Variants in GSR observed in about 807,000 individuals in gnomAD.
The protein encoded by GSR is glutathione reductase, mitochondrial.
A neutral mutation model predicts 56.5 loss-of-function variants in GSR; 48 were observed. The ratio of observed to expected loss-of-function variants is 0.85; its 90% confidence interval spans 0.67 to 1.08. The LOEUF is 1.08. Ranked by LOEUF, GSR falls within the 50% of genes least tolerant of loss-of-function variation. GSR has a pLI of 0.00. For synonymous variants in GSR, 264 were observed against 270.8 expected, an observed-to-expected ratio of 0.97 and a Z score of 0.25; for missense variants, 694 against 703.3, an observed-to-expected ratio of 0.99 and a Z score of 0.15.
intron 1 of GSR, among the ~76,000 whole-genome samples, chr8:30,715,306 T>C (rs1804295096): frequency 6.6e-6 from 1 of 151,670 alleles, no homozygotes; most frequent in East Asian, 1.9e-4. Flanking sequence ...AAATAAATAA[T>C]AATAATAAAC....
chr8:30,694,369 G>A (rs1335133123), intron 7 of GSR, among the ~76,000 whole-genome samples: 1 of 152,196 alleles, frequency 6.6e-6, no homozygotes, highest in Non-Finnish European at 1.5e-5. Context: ...GAGTGCAGTG[G>A]CACAATCTTT....
chr8:30,721,648 G>A (rs1056254558), intron 1 of GSR, among the ~76,000 whole-genome samples: 10 of 99,872 alleles, frequency 1.0e-4, no homozygotes, highest in Admixed American at 2.5e-4. Context: ...GTGAGACTTC[G>A]TGTCAAGAAG....
Position 30,724,541 on chromosome 8 carries a change from C to G in GSR, c.306+2989G>C, listed in dbSNP as rs963148754. Among the ~76,000 whole-genome samples, 11 of 117,622 alleles carry G rather than the reference C, an allele frequency of 9.4e-5. 1 individual carries two copies. The highest frequency in any genetic ancestry group is 7.5e-4 in the East Asian group (3 of 3,980). 77.2% of individuals were successfully genotyped at this position (117,622 alleles called of 152,430 possible). ...TGTCAAAGAATACTACCCAACCCCCCACCTTTTTTTTTTTTTTTTTTTTTT... is the reference window on the plus strand; with the variant it reads ...TGTCAAAGAATACTACCCAACCCCCGACCTTTTTTTTTTTTTTTTTTTTTT... On this transcript the variant is annotated intron_variant, in intron 1 of 12. Transcript: ENST00000221130.
At chr8:30,718,015 C>T (rs560895284) in intron 1 of GSR, among the ~76,000 whole-genome samples, 1 of 151,918 alleles carries the variant, frequency 6.6e-6, no homozygotes, top group African/African-American at 2.4e-5. Flanking sequence ...GCAGGAGAAT[C>T]GCTTGAACCC....
chr8:30,689,744 G>A (rs907614315), intron 8 of GSR, among the ~76,000 whole-genome samples: 1 of 49,190 alleles, frequency 2.0e-5, no homozygotes, highest in African/African-American at 8.7e-5. Context: ...ACGTGTGTGT[G>A]TGTATATATA....
intron 1 of GSR, among the ~76,000 whole-genome samples, chr8:30,723,607 A>G (rs1804623881): frequency 6.6e-6 from 1 of 152,134 alleles, no homozygotes; most frequent in Non-Finnish European, 1.5e-5. Context: ...CCTGGCCAAC[A>G]TGGTGAAACC....
chr8:30,690,075 T>C (rs1049919037), intron 8 of GSR, among the ~76,000 whole-genome samples: 16 of 143,752 alleles, frequency 1.1e-4, no homozygotes, highest in Admixed American at 5.7e-4. Context: ...AAAATATACA[T>C]ATATAAAATA....
chr8:30,684,255 G>A (rs1803081874), intron 9 of GSR, 56 bp from the exon 10 acceptor site: 2 of 947,356 alleles, frequency 2.1e-6, no homozygotes, highest in African/African-American at 1.6e-5. Context: ...AAAAAAGGTA[G>A]ATCAAACCTC....
chr8:30,726,462 C>T (rs1393885842), intron 1 of GSR, among the ~76,000 whole-genome samples: 5 of 152,074 alleles, frequency 3.3e-5, no homozygotes, highest in Non-Finnish European at 7.4e-5. Flanking sequence ...AACTTGGAAA[C>T]AACATTTATT....
intron 1 of GSR, among the ~76,000 whole-genome samples, chr8:30,712,529 C>T (rs1480770412): frequency 6.6e-6 from 1 of 152,082 alleles, no homozygotes; most frequent in Non-Finnish European, 1.5e-5. Flanking sequence ...AAAAAAGTAG[C>T]TGGGTGTGGT....
intron 8 of GSR, among the ~76,000 whole-genome samples, chr8:30,692,652 C>T (rs1002397673): frequency 3.3e-5 from 5 of 151,810 alleles, no homozygotes; most frequent in African/African-American, 1.2e-4. Flanking sequence ...CAGGTGCACA[C>T]CACCACGCCC....
chr8:30,711,308 T>C (rs903114365), intron 2 of GSR, among the ~76,000 whole-genome samples: 1 of 152,148 alleles, frequency 6.6e-6, no homozygotes, highest in Non-Finnish European at 1.5e-5. Context: ...TCTTTGCAAG[T>C]ATAAGCAAGA....
chr8:30,723,419 G>A (rs1016887285), intron 1 of GSR, among the ~76,000 whole-genome samples: 1 of 152,104 alleles, frequency 6.6e-6, no homozygotes, highest in Non-Finnish European at 1.5e-5. Flanking sequence ...TTGAGCCCAG[G>A]AGTTTGAGGC....
chr8:30,716,744 C>G (rs2128747966), intron 1 of GSR, among the ~76,000 whole-genome samples: 1 of 151,808 alleles, frequency 6.6e-6, no homozygotes, highest in African/African-American at 2.4e-5. Flanking sequence ...GAGGTCAAGG[C>G]TACAGTGAGC....
intron 1 of GSR, among the ~76,000 whole-genome samples, chr8:30,715,858 G>C (rs372472980): frequency 3.9e-5 from 6 of 152,140 alleles, no homozygotes; most frequent in Middle Eastern, 6.8e-3. Flanking sequence ...GTTATTTAAG[G>C]CTTCTTTTTC....
intron 8 of GSR, among the ~76,000 whole-genome samples, chr8:30,692,350 C>A (rs1379122205): frequency 1.3e-5 from 2 of 151,174 alleles, no homozygotes; most frequent in African/African-American, 4.9e-5. Context: ...GCATGCGCCA[C>A]CACGCCCAGC....
At chr8:30,680,828 CT>C in intron 12 of GSR, 75 bp downstream of exon 12, 1 of 1,376,328 alleles carries the variant, frequency 7.3e-7, no homozygotes, top group Non-Finnish European at 1.0e-6. Flanking sequence ...GGTCTCCCTC[CT>C]TTCCACCCCT....
At position 30,712,226 on chromosome 8, in the gene GSR, C is replaced by T. The variant is rs1032859124; in HGVS notation, c.307-138G>A. 1.4e-5 allele frequency: 8 copies of T among 565,922 alleles called. No homozygotes were observed. The East Asian group carries it at 2.0e-4, about 14-fold the overall frequency. 35.1% of individuals were successfully genotyped at this position (565,922 alleles called of 1,614,324 possible). ...GTCACAGTGTACTAAATTCTAGTTA[C>T]TTTCTTTGTTACAAAAAGATAAGAA... On this transcript the variant is annotated intron_variant, in intron 1 of 12. Transcript: ENST00000221130.
chr8:30,700,245 G>A (rs879031351), intron 5 of GSR, 110 bp from the exon 6 acceptor site: 34 of 795,148 alleles, frequency 4.3e-5, no homozygotes, highest in South Asian at 3.6e-4. Context: ...CATAGTCTCC[G>A]TTTTGACAAG....
Sources: gnomAD v4.1 joint callset for allele counts (sites outside exome capture counted in the v4.1 genomes callset) on GRCh38, gnomAD v4.1.1 for gene constraint, MANE v1.5 for transcripts, NCBI Gene and HGNC (gene_info 2026-07-23, HGNC 2026-07-21) for gene names.